The following MAGI2 variants were observed in gnomAD, a reference collection of about 807,000 sequenced individuals.
MAGI2 encodes membrane-associated guanylate kinase, WW and PDZ domain-containing protein 2.
Under a neutral mutation model 133.3 loss-of-function variants are expected in MAGI2, and 35 were observed. The ratio of observed to expected loss-of-function variants is 0.26; its 90% CI spans 0.20 to 0.35. MAGI2 has a LOEUF of 0.35. Among genes scored for constraint, MAGI2 ranks in the 10% least tolerant of loss-of-function variants. The pLI, the probability that MAGI2 is intolerant of heterozygous loss-of-function variation, is 1.00. For synonymous variants in MAGI2, 729 were observed against 710.6 expected, an observed-to-expected ratio of 1.03 and a Z score of -0.41; for missense variants, 1,636 against 1,863.4, an observed-to-expected ratio of 0.88 and a Z score of 2.25.
chr7:79,201,065 A>T (rs1241270210), intron 1 of MAGI2, among the ~76,000 whole-genome samples: 2 of 151,946 alleles, frequency 1.3e-5, no homozygotes, highest in African/African-American at 4.8e-5. Flanking sequence ...ACTCCAAGAG[A>T]TGGCATATCC....
At chr7:79,172,925 T>C (rs534637074) in intron 1 of MAGI2, 11 of 152,072 alleles carry the variant, frequency 7.2e-5, no homozygotes, top group Non-Finnish European at 1.5e-4. Flanking sequence ...GGTATCTATA[T>C]TTCAGGGTTA....
chr7:79,256,963 G>A (rs556883704), intron 1 of MAGI2, among the ~76,000 whole-genome samples: 11 of 152,204 alleles, frequency 7.2e-5, no homozygotes, highest in Non-Finnish European at 1.6e-4. Flanking sequence ...GTAAGTTCAA[G>A]AGACTTATTG....
At chr7:78,114,201 C>T (rs1015878526) in intron 20 of MAGI2, among the ~76,000 whole-genome samples, 3 of 152,208 alleles carry the variant, frequency 2.0e-5, no homozygotes, top group Non-Finnish European at 4.4e-5. Context: ...AAGAATTTTC[C>T]TCTAAGCAAG....
chr7:79,252,406 G>A (rs1006609332), intron 1 of MAGI2, among the ~76,000 whole-genome samples: 7 of 152,000 alleles, frequency 4.6e-5, no homozygotes, highest in South Asian at 4.1e-4. Flanking sequence ...TTGAACTCAC[G>A]GAGATAGACA....
chr7:79,295,176 C>T (rs957420894), intron 1 of MAGI2, among the ~76,000 whole-genome samples: 25 of 151,896 alleles, frequency 1.6e-4, no homozygotes, highest in African/African-American at 5.8e-4. Flanking sequence ...AAATTTAAAA[C>T]ATTATAAAAC....
intron 2 of MAGI2, among the ~76,000 whole-genome samples, chr7:78,895,606 C>G (rs1797151380): frequency 6.6e-6 from 1 of 151,988 alleles, no homozygotes; most frequent in Middle Eastern, 3.2e-3. Flanking sequence ...ATGCATTTGA[C>G]AGTTTATCAG....
chr7:78,084,123 C>T (rs915358579), intron 20 of MAGI2, among the ~76,000 whole-genome samples: 1 of 152,174 alleles, frequency 6.6e-6, no homozygotes, highest in African/African-American at 2.4e-5. Context: ...TTTGCATGAT[C>T]ATATATGACT....
intron 6 of MAGI2, among the ~76,000 whole-genome samples, chr7:78,441,965 T>C (rs970468230): frequency 6.6e-6 from 1 of 152,146 alleles, no homozygotes; most frequent in African/African-American, 2.4e-5. Context: ...TTCAGCTCTC[T>C]CCAGCTCCTA....
chr7:78,149,416 G>A (rs1823644608), intron 16 of MAGI2, among the ~76,000 whole-genome samples: 1 of 152,156 alleles, frequency 6.6e-6, no homozygotes, highest in Non-Finnish European at 1.5e-5. Context: ...GTACCTGGAG[G>A]TCTGCTTTAA....
intron 9 of MAGI2, among the ~76,000 whole-genome samples, chr7:78,287,721 C>A (rs798338): frequency 0.5 from 75,982 of 151,910 alleles, 21,449 homozygotes; most frequent in African/African-American, 0.75. Flanking sequence ...TCTTCCTGTA[C>A]TCATATTTTA....
At chr7:78,889,233 A>C (rs559731528) in intron 2 of MAGI2, among the ~76,000 whole-genome samples, 1 of 152,248 alleles carries the variant, frequency 6.6e-6, no homozygotes, top group Admixed American at 6.5e-5. Context: ...ACTATGTGAG[A>C]AGACCAAATC....
intron 1 of MAGI2, among the ~76,000 whole-genome samples, chr7:79,255,387 C>T (rs1326659166): frequency 6.6e-6 from 1 of 152,084 alleles, no homozygotes; most frequent in Non-Finnish European, 1.5e-5. Flanking sequence ...TGTGGTTTCG[C>T]ATGAAGTGTA....
rs374567182 is a variant in MAGI2 at position 78,070,218 on chromosome 7, TACACACAC to T, written c.3706+8721_3706+8728del. ...ATATATATATATATATATATATATA[TACACACAC>T]ACACACAGACATTCTGTCCCCTTCC... On this transcript the variant is annotated intron_variant, in intron 21 of 21. Coordinates refer to ENST00000354212, the MANE Select transcript of MAGI2 (RefSeq NM_012301.4). Among the ~76,000 whole-genome samples, 31 of 52,284 alleles carry T rather than the reference TACACACAC, an allele frequency of 5.9e-4. 1 individual carries two copies. Among genetic ancestry groups the T allele is most frequent in the African/African-American group, 1.4e-3 (30 of 21,390 alleles). The allele number at this position is 52,284 out of a possible 152,430, so 34.3% of individuals were successfully genotyped here. A position where few individuals can be genotyped will look rare whatever the true frequency, so the allele number is the denominator to read the frequency against.
intron 2 of MAGI2, among the ~76,000 whole-genome samples, chr7:78,811,391 A>C (rs982832495): frequency 1.3e-5 from 2 of 151,914 alleles, no homozygotes; most frequent in Non-Finnish European, 2.9e-5. Flanking sequence ...CTCTTAAATT[A>C]TGTGATTGAT....
intron 1 of MAGI2, among the ~76,000 whole-genome samples, chr7:79,210,236 T>C (rs1829396089): frequency 6.6e-6 from 1 of 152,112 alleles, no homozygotes; most frequent in Non-Finnish European, 1.5e-5. Context: ...AGATTTTTTA[T>C]GCTAGACATG....
At chr7:78,271,607 TATTA>T (rs909508883) in intron 9 of MAGI2, among the ~76,000 whole-genome samples, 18 of 152,318 alleles carry the variant, frequency 1.2e-4, no homozygotes, top group African/African-American at 4.1e-4. Context: ...GTTGGTAGGC[TATTA>T]ATTATTGCCT....
intron 1 of MAGI2, among the ~76,000 whole-genome samples, chr7:79,335,136 C>G (rs1034442371): frequency 1.3e-5 from 2 of 152,020 alleles, no homozygotes; most frequent in African/African-American, 4.8e-5. Flanking sequence ...GGGGGGAGAT[C>G]CCCCTCTAAA....
At chr7:78,431,691 C>T (rs2151432940) in intron 6 of MAGI2, among the ~76,000 whole-genome samples, 1 of 152,178 alleles carries the variant, frequency 6.6e-6, no homozygotes, top group South Asian at 2.1e-4. Context: ...ATGTAGCTTG[C>T]ATTTTGTTGT....
At position 78,127,251 on chromosome 7, in the gene MAGI2, C is replaced by T. The variant is rs147258461; in HGVS notation, c.3369G>A (p.Arg1123=). Residue 1123 remains arginine, a synonymous_variant, in exon 19 of 22, where the codon AGG becomes AGA. Transcript: ENST00000354212. ...ACTGCCTGGTGTCGGGGGAGTGCTG[C>T]CTGTAGTCCAGTAGGGGAGGCTGCC... ...DYRQPPLLDY[R]QHSPDTRQYP... is the part of the protein sequence containing the mutation. 3.1e-6 allele frequency: 5 copies of T among 1,606,886 alleles called. No homozygotes were observed. In the African/African-American group the frequency reaches 6.7e-5, roughly 22 times the overall value.
Sources: allele counts gnomAD v4.1 joint callset (sites outside exome capture counted in the v4.1 genomes callset), GRCh38; gene constraint gnomAD v4.1.1; transcripts MANE v1.5; gene names NCBI Gene and HGNC (gene_info 2026-07-23, HGNC 2026-07-21).